CACNA1G: variants seen among roughly 807,000 people sequenced by gnomAD.
CACNA1G encodes voltage-dependent T-type calcium channel subunit alpha-1G.
Under a neutral mutation model 219.4 loss-of-function variants are expected in CACNA1G, and 67 were observed. The ratio of observed to expected loss-of-function variants is 0.31; its 90% CI spans 0.25 to 0.37. The LOEUF is 0.37. Ranked by LOEUF, CACNA1G falls within the 10% of genes least tolerant of loss-of-function variation. The pLI is 1.00. For synonymous variants in CACNA1G, 1,296 were observed against 1,345.3 expected (o/e 0.96, Z 0.80); for missense variants, 2,380 against 3,231.4 (o/e 0.74, Z 6.39).
Position 50,627,343 on chromosome 17 carries a change from G to A in CACNA1G, c.*592G>A. The A allele has an allele frequency of 2.6e-6, 1 of 379,074 alleles. No individual in the cohort carries two copies. Among genetic ancestry groups the A allele is most frequent in the Non-Finnish European group, 5.2e-6 (1 of 194,026 alleles). 23.5% of individuals were successfully genotyped at this position (379,074 alleles called of 1,614,324 possible). A position where few individuals can be genotyped will look rare whatever the true frequency, so the allele number is the denominator to read the frequency against. On this transcript the variant is annotated 3_prime_UTR_variant, in exon 38 of 38. Coordinates refer to ENST00000359106, the MANE Select transcript of CACNA1G (RefSeq NM_018896.5). ...TCCTTTAACCTCGTCATCATTTTCT[G>A]TAGGGAAAAAAAAAAGAAAAAGAAA...
rs1316191744 is a variant in CACNA1G, at chr17:50,573,004, C to G, written c.1048-17C>G. On this transcript the variant is annotated splice_polypyrimidine_tract_variant and intron_variant, in intron 6 of 37. Coordinates refer to ENST00000359106, the MANE Select transcript of CACNA1G (RefSeq NM_018896.5). ...TTTGGTGGGCCCATAGTCAGCCTGC[C>G]CCTCTGCACCCCCTAGGTCATCACG... 1 of 1,571,598 alleles carries G rather than the reference C, an allele frequency of 6.4e-7. No individual in the cohort carries two copies. The highest frequency in any genetic ancestry group is 2.3e-5 in the East Asian group (1 of 42,904).
chr17:50,624,324 T>TCCCCCCCCCCCCCCCCCCCCTACCCCC, intron 36 of CACNA1G, 36 bp from the exon 37 acceptor site: 1 of 1,177,662 alleles, frequency 8.5e-7, no homozygotes, highest in Non-Finnish European at 1.2e-6. Context: ...CTCCATTCTC[T>TCCCCCCCCCCCCCCCCCCCCTACCCCC]CCCCCCACCC....
rs2052079762 is a variant in CACNA1G, at chr17:50,621,630, T to C, written c.5926-30T>C. ...CGCGCGTGTGCGCTGTCCTGGTTTC[T>C]CATGCCTGATCATCTCTCTCCCTGT... On this transcript the variant is annotated intron_variant, in intron 34 of 37. Coordinates refer to ENST00000359106, the MANE Select transcript of CACNA1G (RefSeq NM_018896.5). The surrounding 1 kb of genome is among the most constrained non-coding windows in gnomAD (Gnocchi z 4.6). 1.2e-6 allele frequency: 2 copies of C among 1,611,136 alleles called. No individual in the cohort carries two copies. The highest frequency in any genetic ancestry group is 4.5e-5 in the East Asian group (2 of 44,788).
Position 50,624,345 on chromosome 17 carries a change from T to TTCCC in CACNA1G, c.6230-15_6230-14insTCCC. The TTCCC allele has an allele frequency of 8.8e-7, 1 of 1,132,468 alleles. No homozygotes were observed. Among genetic ancestry groups the TTCCC allele is most frequent in the Non-Finnish European group, 1.2e-6 (1 of 806,934 alleles). 70.2% of individuals were successfully genotyped at this position (1,132,468 alleles called of 1,614,324 possible). On this transcript the variant is annotated splice_polypyrimidine_tract_variant and intron_variant, in intron 36 of 37. Transcript: ENST00000359106. ...TCTCTCCCCCCACCCCTCCCCCGCT[T>TTCCC]CCCTCCCTCCACAGGCTCCGTCTTG...
chr17:50,596,683 G>T lies in CACNA1G; in HGVS notation c.3064+37G>T. 1 of 1,613,638 alleles carries T rather than the reference G, an allele frequency of 6.2e-7. No individual in the cohort carries two copies. Among genetic ancestry groups the T allele is most frequent in the Non-Finnish European group, 8.5e-7 (1 of 1,179,686 alleles). On this transcript the variant is annotated intron_variant, in intron 15 of 37. Transcript: ENST00000359106. This position sits in a 1 kb window ranked among gnomAD's most constrained non-coding sequence, Gnocchi z 4.8. The stretch of plus-strand genomic sequence containing the variant: ...TCCTGGGGTGCGACTTTTGGCCCTG[G>T]GCCAGCCCTGTGTGGACTCGGGATC...
Position 50,569,772 on chromosome 17 carries a change from G to A in CACNA1G, c.555G>A (p.Leu185=). 1 of 1,550,824 alleles carries A rather than the reference G, an allele frequency of 6.4e-7. No homozygotes were observed. The highest frequency in any genetic ancestry group is 8.7e-7 in the Non-Finnish European group (1 of 1,146,900). ...SFSAVRTVRV[L]RPLRAINRVP... is the part of the protein sequence containing the mutation. ...CAGCTGTCAGGACAGTCCGTGTGCT[G>A]CGACCGCTCAGGGCCATTAACCGGG... The change falls in exon 4 of 38, where the codon CTG becomes CTA. Residue 185 remains leucine (L), a synonymous_variant. Transcript: ENST00000359106.
rs1249622871 is a variant in CACNA1G at position 50,577,655 on chromosome 17, G to A, written c.1925-533G>A. 2.0e-5 allele frequency among the ~76,000 whole-genome samples: 3 copies of A among 151,878 alleles called. No individual in the cohort carries two copies. In the East Asian group the frequency reaches 5.8e-4, roughly 29 times the overall value. ...ATGTGCCGTGTGTGAATGTGTTTGT[G>A]CACACATGTGTTGGTATGTGCATGT... is the stretch of plus-strand genomic sequence containing the variant. On this transcript the variant is annotated intron_variant, in intron 8 of 37. Transcript: ENST00000359106.
At chr17:50,595,504 G>A (rs2045358518) in intron 14 of CACNA1G, among the ~76,000 whole-genome samples, 1 of 152,256 alleles carries the variant, frequency 6.6e-6, no homozygotes, top group Non-Finnish European at 1.5e-5. Context: ...GCCCCTGTTG[G>A]AGACCCCGCA....
rs780132660 is a variant in CACNA1G, at chr17:50,623,955, C to T, written c.6109C>T (p.Arg2037Trp). Residue 2037 changes from arginine (R) to tryptophan (W), a missense_variant, in exon 36 of 38, where the codon CGG (arginine) becomes TGG (tryptophan). Arg to Trp is a moderately radical substitution (Grantham distance 101, BLOSUM62 -3). This residue lies in a region of CACNA1G where 672 missense variants were observed against 670.5 expected (regional missense o/e 1.00). Transcript: ENST00000359106. ...GCCAGGACCAGACTTACTGACTGTG[C>T]GGAAGTCTGGGGTCAGCCGAACGCA... ...ELPGPDLLTV[R>W]KSGVSRTHSL... 1.3e-5 allele frequency: 21 copies of T among 1,613,190 alleles called. No individual in the cohort carries two copies. Among genetic ancestry groups the T allele is most frequent in the African/African-American group, 2.7e-5 (2 of 74,920 alleles).
At position 50,600,718 on chromosome 17, in the gene CACNA1G, T is replaced by C; in HGVS notation, c.3691-8T>C. 2 of 1,613,152 alleles carry C rather than the reference T, an allele frequency of 1.2e-6. No homozygotes were observed. Among genetic ancestry groups the C allele is most frequent in the Non-Finnish European group, 1.7e-6 (2 of 1,179,248 alleles). ...GGTCCTGCTCATACTCCAGTGTTTG[T>C]TCTGCAGAGCAAAGGGGAACGGGTC... On this transcript the variant is annotated splice_polypyrimidine_tract_variant and splice_region_variant and intron_variant, in intron 17 of 37. Transcript: ENST00000359106. The surrounding 1 kb of genome is among the most constrained non-coding windows in gnomAD (Gnocchi z 4.1).
chr17:50,619,435 G>C (rs2051259468), intron 33 of CACNA1G, among the ~76,000 whole-genome samples: 1 of 151,698 alleles, frequency 6.6e-6, no homozygotes, highest in South Asian at 2.1e-4. Flanking sequence ...CCCGCCGTGG[G>C]CTCTGCTCAT....
intron 21 of CACNA1G, 83 bp from the exon 22 acceptor site, chr17:50,604,072 T>A (rs2047406772): frequency 1.4e-6 from 2 of 1,441,038 alleles, no homozygotes; most frequent in South Asian, 2.9e-5. Context: ...GTGGTCAAGG[T>A]TGGGGGTGGG....
At position 50,569,821 on chromosome 17, in the gene CACNA1G, C is replaced by T. The variant is rs1394315830; in HGVS notation, c.586+18C>T. On this transcript the variant is annotated intron_variant, in intron 4 of 37. Transcript: ENST00000359106. ...GGTGCCCAGTGAGTGACCCCTCAGC[C>T]CTCAGCCCCTGAAGAGAGCCCCAGG... 6.5e-7 allele frequency: 1 copy of T among 1,535,330 alleles called. No individual in the cohort carries two copies.
chr17:50,619,725 TC>T lies in CACNA1G; in HGVS notation c.5827del (p.Leu1943TrpfsTer5), dbSNP rs754690588. 1.9e-6 allele frequency: 3 copies of T among 1,610,668 alleles called. No homozygotes were observed. In the South Asian group the frequency reaches 3.3e-5, roughly 18 times the overall value. On this transcript the variant is annotated frameshift_variant, in exon 34 of 38. Coordinates refer to ENST00000359106, the MANE Select transcript of CACNA1G (RefSeq NM_018896.5). LOFTEE classifies it high-confidence loss of function. The stretch of plus-strand genomic sequence containing the variant: ...CACCATATCCCTGCTGATCCAGGGC[TC>T]CCTGGAGTGGGAGCTGAAGCTGATG... ...FDTISLLIQG[S>X]LEWELKLMDE...
At position 50,603,704 on chromosome 17, in the gene CACNA1G, C is replaced by T. The variant is rs529812549; in HGVS notation, c.4170-451C>T. On this transcript the variant is annotated intron_variant, in intron 21 of 37. Coordinates refer to ENST00000359106, the MANE Select transcript of CACNA1G (RefSeq NM_018896.5). This position sits in a 1 kb window ranked among gnomAD's most constrained non-coding sequence, Gnocchi z 6.4. ...CCTTTCCAATCAGCCAGTCACCACC[C>T]CCAACTCAGATTTTTTTTTTTTAAT... is the stretch of plus-strand genomic sequence containing the variant. 2.0e-5 allele frequency among the ~76,000 whole-genome samples: 3 copies of T among 151,832 alleles called. No individual in the cohort carries two copies. Among genetic ancestry groups the T allele is most frequent in the African/African-American group, 7.3e-5 (3 of 41,266 alleles).
Position 50,596,789 on chromosome 17 carries a change from C to T in CACNA1G, c.3124C>T (p.His1042Tyr), listed in dbSNP as rs1350908348. 1 of 1,611,298 alleles carries T rather than the reference C, an allele frequency of 6.2e-7. No homozygotes were observed. The highest frequency in any genetic ancestry group is 1.7e-5 in the Admixed American group (1 of 59,958). The change falls in exon 16 of 38, where the codon CAC (histidine) becomes TAC (tyrosine). Residue 1042 changes from histidine to tyrosine, a missense_variant. This residue lies in a region of CACNA1G where 418 missense variants were observed against 434.3 expected (regional missense o/e 0.96). Coordinates refer to ENST00000359106, the MANE Select transcript of CACNA1G (RefSeq NM_018896.5). The surrounding 1 kb of genome is among the most constrained non-coding windows in gnomAD (Gnocchi z 4.8). The stretch of plus-strand genomic sequence containing the variant: ...GAGCCTGCTGCCGCCTCTCATCATC[C>T]ACACGGCCGCCACACCCATGTCGCT... ...RKSLLPPLII[H>Y]TAATPMSLPK... is the part of the protein sequence containing the mutation.
At chr17:50,615,858 G>A (rs540840530) in intron 27 of CACNA1G, among the ~76,000 whole-genome samples, 6 of 152,308 alleles carry the variant, frequency 3.9e-5, no homozygotes, top group South Asian at 2.1e-4. Context: ...AGATTCTAGC[G>A]AACGTCCAGC....
In CACNA1G at chr17:50,626,944, T is replaced by C. The variant is rs1458347900; in HGVS notation, c.*193T>C. 1.3e-6 allele frequency: 1 copy of C among 753,916 alleles called. No homozygotes were observed. Among genetic ancestry groups the C allele is most frequent in the Non-Finnish European group, 2.3e-6 (1 of 431,366 alleles). The allele number at this position is 753,916 out of a possible 1,614,324, so 46.7% of individuals were successfully genotyped here. ...TTAAAAGCAGCAGCCCCGGCAACTC[T>C]GGCTCCAGGCAGAAGGAGAGGCCCG... is the stretch of plus-strand genomic sequence containing the variant. On this transcript the variant is annotated 3_prime_UTR_variant, in exon 38 of 38. Coordinates refer to ENST00000359106, the MANE Select transcript of CACNA1G (RefSeq NM_018896.5). This position sits in a 1 kb window ranked among gnomAD's most constrained non-coding sequence, Gnocchi z 4.3.
chr17:50,581,724 C>T (rs1250516065), intron 9 of CACNA1G, among the ~76,000 whole-genome samples: 2 of 152,316 alleles, frequency 1.3e-5, no homozygotes, highest in East Asian at 3.9e-4. Context: ...AGGACAAGAA[C>T]CCAGGAGACT....
Sources: allele counts gnomAD v4.1 joint callset (sites outside exome capture counted in the v4.1 genomes callset), GRCh38; gene constraint gnomAD v4.1.1; regional missense constraint gnomAD v4.1.1; non-coding constraint Gnocchi (gnomAD v3.1); transcripts MANE v1.5; gene names NCBI Gene and HGNC (gene_info 2026-07-23, HGNC 2026-07-21).